Variants in ANAPC10 observed in about 807,000 individuals in gnomAD.
ANAPC10 encodes the protein anaphase promoting complex subunit 10.
Under a neutral mutation model 22.0 loss-of-function variants are expected in ANAPC10, and 12 were observed. The ratio of observed to expected loss-of-function variants is 0.55; its 90% CI spans 0.35 to 0.88. The LOEUF (loss-of-function observed/expected upper bound fraction) is 0.88, where lower values mean the gene tolerates loss of function less well. Ranked by LOEUF, ANAPC10 falls within the 40% of genes least tolerant of loss-of-function variation. ANAPC10 has a pLI of 0.01. For synonymous variants in ANAPC10, 65 were observed against 69.5 expected, an observed-to-expected ratio of 0.94 and a Z score of 0.32; for missense variants, 188 against 220.9, an observed-to-expected ratio of 0.85 and a Z score of 0.94.
chr4:145,049,656 T>C (rs1303151615), intron 4 of ANAPC10, among the ~76,000 whole-genome samples: 1 of 152,160 alleles, frequency 6.6e-6, no homozygotes, highest in Non-Finnish European at 1.5e-5. Flanking sequence ...CATGGCTCAC[T>C]GGAACCGCCG....
intron 4 of ANAPC10, among the ~76,000 whole-genome samples, chr4:145,057,020 G>C (rs963070470): frequency 1.3e-5 from 2 of 152,058 alleles, no homozygotes; most frequent in Admixed American, 1.3e-4. Context: ...CTTGAAAAAA[G>C]TGACCTTACA....
chr4:145,008,440 A>C (rs1560815111), intron 4 of ANAPC10, among the ~76,000 whole-genome samples: 1 of 152,320 alleles, frequency 6.6e-6, no homozygotes, highest in East Asian at 1.9e-4. Flanking sequence ...ATCATCAATA[A>C]AATACTGGCA....
At chr4:145,075,789 A>G (rs1301648016) in intron 3 of ANAPC10, among the ~76,000 whole-genome samples, 2 of 152,168 alleles carry the variant, frequency 1.3e-5, no homozygotes, top group African/African-American at 4.8e-5. Flanking sequence ...GTTAGCAGGC[A>G]TAGGACCCCA....
chr4:145,097,097 G>T (rs939117777), intron 1 of ANAPC10: 3 of 193,094 alleles, frequency 1.6e-5, no homozygotes, highest in Non-Finnish European at 3.2e-5. Context: ...GTAGTCCCAG[G>T]GGGGCTGAGA....
intron 4 of ANAPC10, among the ~76,000 whole-genome samples, chr4:144,997,734 T>C (rs1379232527): frequency 1.3e-5 from 2 of 152,100 alleles, no homozygotes; most frequent in Non-Finnish European, 2.9e-5. Flanking sequence ...ATCACAATAT[T>C]AACCTTAAAT....
rs1269598270 is a variant in ANAPC10, at chr4:145,089,108, CACTT to C, written c.115+6873_115+6876del. Among the ~76,000 whole-genome samples, 10 of 152,272 alleles carry C rather than the reference CACTT, an allele frequency of 6.6e-5. No individual in the cohort carries two copies. In the East Asian group the frequency reaches 1.9e-3, roughly 29 times the overall value. ...AATCCCACAAACTAATGTAGCCTCC[CACTT>C]AAAGTTACTTTCTATTATATTGCTG... On this transcript the variant is annotated intron_variant, in intron 2 of 4. Transcript: ENST00000507656.
chr4:145,097,602 A>G (rs1748775071), intron 1 of ANAPC10: 1 of 1,136,648 alleles, frequency 8.8e-7, no homozygotes, highest in South Asian at 1.3e-5. Context: ...AACTTTGGCA[A>G]GGCCTGAGGC....
chr4:145,014,132 C>A (rs1310277945), intron 4 of ANAPC10, among the ~76,000 whole-genome samples: 2 of 152,116 alleles, frequency 1.3e-5, no homozygotes, highest in Non-Finnish European at 2.9e-5. Flanking sequence ...GCAGCCTCCA[C>A]AGGTGGAGGA....
intron 4 of ANAPC10, among the ~76,000 whole-genome samples, chr4:145,004,322 G>C (rs1034490950): frequency 1.3e-5 from 2 of 151,970 alleles, no homozygotes; most frequent in African/African-American, 4.8e-5. Context: ...TTCCTATTTG[G>C]ATGTCTTTAT....
At chr4:145,003,775 A>G (rs984074686) in intron 4 of ANAPC10, among the ~76,000 whole-genome samples, 3 of 152,170 alleles carry the variant, frequency 2.0e-5, no homozygotes, top group Non-Finnish European at 4.4e-5. Context: ...AGGTAATATG[A>G]TGCTTCTAGC....
intron 2 of ANAPC10, among the ~76,000 whole-genome samples, chr4:145,084,723 C>A (rs1473691205): frequency 6.6e-6 from 1 of 152,116 alleles, no homozygotes. Context: ...CTGTCCAATA[C>A]GGTAGCCACT....
At chr4:145,097,561 T>C (rs973623965) in intron 1 of ANAPC10, 5 of 1,286,190 alleles carry the variant, frequency 3.9e-6, no homozygotes, top group Admixed American at 4.6e-5. Flanking sequence ...ACTTGATACT[T>C]ACTAAATAAC....
At chr4:145,072,269 T>C (rs1212879917) in intron 3 of ANAPC10, among the ~76,000 whole-genome samples, 1 of 152,212 alleles carries the variant, frequency 6.6e-6, no homozygotes, top group African/African-American at 2.4e-5. Flanking sequence ...AAAGAGCTTG[T>C]TCTAATTTTA....
chr4:145,064,563 A>C lies in ANAPC10; in HGVS notation c.327+9T>G. 1 of 1,598,336 alleles carries C rather than the reference A, an allele frequency of 6.3e-7. No homozygotes were observed. Among genetic ancestry groups the C allele is most frequent in the Non-Finnish European group, 8.5e-7 (1 of 1,173,204 alleles). ...GGATGACATATTTTTAAAAATTTGA[A>C]AGACATACCCGAATTTCTTGAAGGT... On this transcript the variant is annotated intron_variant, in intron 4 of 4. Transcript: ENST00000507656.
chr4:145,010,286 C>T (rs933600810), intron 4 of ANAPC10, among the ~76,000 whole-genome samples: 2 of 152,128 alleles, frequency 1.3e-5, no homozygotes, highest in Non-Finnish European at 2.9e-5. Flanking sequence ...GGATCTAGAA[C>T]TAGAAATACC....
In ANAPC10 at chr4:145,064,695, A is replaced by G; in HGVS notation, c.207-3T>C. 6.7e-7 allele frequency: 1 copy of G among 1,503,326 alleles called. No homozygotes were observed. The highest frequency in any genetic ancestry group is 8.9e-7 in the Non-Finnish European group (1 of 1,120,670). The allele number at this position is 1,503,326 out of a possible 1,614,324, so 93.1% of individuals were successfully genotyped here. A position where few individuals can be genotyped will look rare whatever the true frequency, so the allele number is the denominator to read the frequency against. On this transcript the variant is annotated splice_region_variant and splice_polypyrimidine_tract_variant and intron_variant, in intron 3 of 4. Coordinates refer to ENST00000507656, the MANE Select transcript of ANAPC10 (RefSeq NM_001256706.2). ...ATGTCTTCACTGTTGTTTTTCTTCT[A>G]AAAGCAATAAAGTAAAAATAACATG...
intron 3 of ANAPC10, 34 bp from the exon 4 acceptor site, chr4:145,064,726 C>A: frequency 2.0e-6 from 3 of 1,464,268 alleles, no homozygotes; most frequent in Middle Eastern, 1.9e-4. Context: ...ACATGCACTT[C>A]ATCATATGAA....
intron 4 of ANAPC10, among the ~76,000 whole-genome samples, chr4:145,029,335 G>C (rs1185142027): frequency 1.3e-5 from 2 of 152,082 alleles, no homozygotes; most frequent in African/African-American, 4.8e-5. Context: ...AGAAAATGTT[G>C]ATTCTCCTCA....
intron 4 of ANAPC10, among the ~76,000 whole-genome samples, chr4:145,026,482 A>G (rs771343229): frequency 6.6e-6 from 1 of 152,176 alleles, no homozygotes; most frequent in Admixed American, 6.5e-5. Context: ...AGCTTTAAAT[A>G]AGGTGGTCAG....
Sources: allele counts gnomAD v4.1 joint callset (sites outside exome capture counted in the v4.1 genomes callset), GRCh38; gene constraint gnomAD v4.1.1; transcripts MANE v1.5; gene names NCBI Gene and HGNC (gene_info 2026-07-23, HGNC 2026-07-21).